CAMK1D: variants seen among roughly 807,000 people sequenced by gnomAD.
CAMK1D encodes calcium/calmodulin-dependent protein kinase type 1D.
CAMK1D carries 9 observed loss-of-function variants against 47.7 expected under a neutral mutation model. That is an observed-to-expected ratio of 0.19 (90% confidence interval 0.11 to 0.33). The LOEUF is 0.33. Among genes scored for constraint, CAMK1D ranks in the 10% least tolerant of loss-of-function variants. CAMK1D has a pLI of 1.00. For missense variants in CAMK1D, 291 were observed against 488.7 expected (o/e 0.60, Z 3.81); for synonymous variants, 184 against 184.9 (o/e 0.99, Z 0.04).
chr10:12,793,651 T>C (rs1426860800), intron 6 of CAMK1D, among the ~76,000 whole-genome samples: 1 of 151,666 alleles, frequency 6.6e-6, no homozygotes, highest in African/African-American at 2.4e-5. Flanking sequence ...TGTCCTCACA[T>C]GCTGTAGAGA....
At chr10:12,823,766 A>T (rs1321833771) in intron 8 of CAMK1D, among the ~76,000 whole-genome samples, 1 of 151,914 alleles carries the variant, frequency 6.6e-6, no homozygotes, top group African/African-American at 2.4e-5. Flanking sequence ...AGTTCTAAGA[A>T]TTTCAAGGAG....
At chr10:12,621,536 G>A (rs1296523873) in intron 2 of CAMK1D, among the ~76,000 whole-genome samples, 4 of 150,380 alleles carry the variant, frequency 2.7e-5, no homozygotes, top group Admixed American at 6.6e-5. Flanking sequence ...ATTGTAGATG[G>A]CATTTTAAAT....
chr10:12,814,360 C>A, intron 7 of CAMK1D, 53 bp downstream of exon 7: 1 of 1,158,160 alleles, frequency 8.6e-7, no homozygotes, highest in Non-Finnish European at 1.3e-6. Flanking sequence ...CACTTACACC[C>A]AGACCACGTG....
intron 1 of CAMK1D, among the ~76,000 whole-genome samples, chr10:12,425,131 T>A (rs1429092265): frequency 6.6e-6 from 1 of 152,134 alleles, no homozygotes; most frequent in Non-Finnish European, 1.5e-5. Context: ...ACGTGGTCCA[T>A]CTGCATGGAG....
intron 1 of CAMK1D, among the ~76,000 whole-genome samples, chr10:12,516,235 A>G (rs1197631001): frequency 6.6e-6 from 1 of 152,078 alleles, no homozygotes; most frequent in African/African-American, 2.4e-5. Flanking sequence ...CAGCCTCCTG[A>G]GTAGCTGGGA....
chr10:12,579,336 C>A (rs11257902), intron 2 of CAMK1D, among the ~76,000 whole-genome samples: 9,388 of 152,260 alleles, frequency 0.062, 541 homozygotes, highest in East Asian at 0.2. Flanking sequence ...TGTTGGGCCC[C>A]GTGGCCTTAT....
intron 1 of CAMK1D, among the ~76,000 whole-genome samples, chr10:12,376,338 G>C (rs935731753): frequency 2.6e-5 from 4 of 152,054 alleles, no homozygotes; most frequent in South Asian, 4.1e-4. Flanking sequence ...CTCCGGTCAC[G>C]TGACTAAAAG....
chr10:12,515,350 G>C (rs1013039498), intron 1 of CAMK1D, among the ~76,000 whole-genome samples: 1 of 149,710 alleles, frequency 6.7e-6, no homozygotes, highest in African/African-American at 2.5e-5. Flanking sequence ...TGTCCAGCCC[G>C]AAGCCTCGGC....
At chr10:12,815,134 A>G (rs1424337039) in intron 7 of CAMK1D, among the ~76,000 whole-genome samples, 1 of 152,126 alleles carries the variant, frequency 6.6e-6, no homozygotes, top group Non-Finnish European at 1.5e-5. Flanking sequence ...AAATCATACA[A>G]CTAGTAAGGG....
Position 12,687,644 on chromosome 10 carries a change from G to A in CAMK1D, c.299+20834G>A, listed in dbSNP as rs1286575687. On this transcript the variant is annotated intron_variant, in intron 3 of 10. Coordinates refer to ENST00000619168, the MANE Select transcript of CAMK1D (RefSeq NM_153498.4). The stretch of plus-strand genomic sequence containing the variant: ...AGCTCAGAAGTGTCCAAGACAAAGG[G>A]TGGAAGGCATCACACTAGGACAGGA... Among the ~76,000 whole-genome samples the A allele has an allele frequency of 2.6e-5, 4 of 152,308 alleles. 1 individual carries two copies. The East Asian group carries it at 7.7e-4, about 29-fold the overall frequency.
chr10:12,539,473 C>T (rs1198688306), intron 1 of CAMK1D, among the ~76,000 whole-genome samples: 1 of 152,176 alleles, frequency 6.6e-6, no homozygotes, highest in Non-Finnish European at 1.5e-5. Context: ...AACATTCTGT[C>T]CCGTCGTTGC....
chr10:12,532,871 A>G (rs978280563), intron 1 of CAMK1D, among the ~76,000 whole-genome samples: 2 of 149,150 alleles, frequency 1.3e-5, no homozygotes, highest in African/African-American at 4.9e-5. Context: ...GTTCTCACCT[A>G]TTTGTGGGAT....
At position 12,694,264 on chromosome 10, in the gene CAMK1D, TAA is replaced by T. The variant is rs1491495689; in HGVS notation, c.299+27455_299+27456del. 9.3e-5 allele frequency among the ~76,000 whole-genome samples: 2 copies of T among 21,542 alleles called. 1 individual carries two copies. Among genetic ancestry groups the T allele is most frequent in the East Asian group, 2.3e-3 (2 of 864 alleles). The allele number at this position is 21,542 out of a possible 152,430, so 14.1% of individuals were successfully genotyped here. A position where few individuals can be genotyped will look rare whatever the true frequency, so the allele number is the denominator to read the frequency against. On this transcript the variant is annotated intron_variant, in intron 3 of 10. Transcript: ENST00000619168. ...TATAATATATATTATGTATAATATA[TAA>T]TATATATTATACATAATATAAAATA... is the stretch of plus-strand genomic sequence containing the variant.
chr10:12,474,199 C>CTTTTT lies in CAMK1D; in HGVS notation c.93-79011_93-79007dup, dbSNP rs35554522. Among the ~76,000 whole-genome samples, 1,080 of 119,308 alleles carry CTTTTT rather than the reference C, an allele frequency of 9.1e-3. 29 individuals are homozygous for CTTTTT. Among genetic ancestry groups the CTTTTT allele is most frequent in the African/African-American group, 0.033 (1,019 of 30,888 alleles). 78.3% of individuals were successfully genotyped at this position (119,308 alleles called of 152,430 possible). A position where few individuals can be genotyped will look rare whatever the true frequency, so the allele number is the denominator to read the frequency against. Reference sequence around the variant, plus strand: ...TGCTACCTCTTCAATGAGGATCGTTCTTTTTTTTTTTTTTTTTTTGAGAGA... The same window carrying CTTTTT: ...TGCTACCTCTTCAATGAGGATCGTTCTTTTTTTTTTTTTTTTTTTTTTTTGAGAGA... On this transcript the variant is annotated intron_variant, in intron 1 of 10. Transcript: ENST00000619168.
chr10:12,530,876 G>A (rs1489288565), intron 1 of CAMK1D, among the ~76,000 whole-genome samples: 1 of 152,024 alleles, frequency 6.6e-6, no homozygotes, highest in African/African-American at 2.4e-5. Context: ...GGCCAACATG[G>A]TGAAACCCTG....
intron 1 of CAMK1D, among the ~76,000 whole-genome samples, chr10:12,484,270 T>C (rs1379250156): frequency 1.3e-5 from 2 of 152,206 alleles, no homozygotes; most frequent in East Asian, 3.8e-4. Context: ...CCGCCTGCTC[T>C]GCGGCTGGCA....
intron 3 of CAMK1D, among the ~76,000 whole-genome samples, chr10:12,694,331 T>TATATATA (rs1554811738): frequency 8.9e-5 from 2 of 22,370 alleles, no homozygotes; most frequent in South Asian, 1.1e-3. Context: ...ATATATAAAG[T>TATATATA]ATATATAATA....
At chr10:12,631,989 C>G (rs574762998) in intron 2 of CAMK1D, among the ~76,000 whole-genome samples, 2 of 152,170 alleles carry the variant, frequency 1.3e-5, no homozygotes, top group South Asian at 2.1e-4. Flanking sequence ...GCGAATGAAC[C>G]GAGCTCTTAA....
chr10:12,557,166 G>T (rs530504675), intron 2 of CAMK1D, among the ~76,000 whole-genome samples: 58 of 152,286 alleles, frequency 3.8e-4, no homozygotes, highest in African/African-American at 1.3e-3. Flanking sequence ...GGATGCCCTG[G>T]TAGAGAGGTC....
Sources: gnomAD v4.1 joint callset for allele counts (sites outside exome capture counted in the v4.1 genomes callset) on GRCh38, gnomAD v4.1.1 for gene constraint, MANE v1.5 for transcripts, NCBI Gene and HGNC (gene_info 2026-07-23, HGNC 2026-07-21) for gene names.